The following WDR24 variants were observed in gnomAD, a reference collection of about 807,000 sequenced individuals.
WDR24 encodes the protein GATOR2 complex protein WDR24.
Under a neutral mutation model 66.7 loss-of-function variants are expected in WDR24, and 32 were observed. The ratio of observed to expected loss-of-function variants is 0.48; its 90% CI spans 0.36 to 0.64. The LOEUF is 0.64. Among genes scored for constraint, WDR24 ranks in the 30% least tolerant of loss-of-function variants. The pLI is 0.00. For missense variants in WDR24, 978 were observed against 1,144.1 expected, an observed-to-expected ratio of 0.85 and a Z score of 2.09; for synonymous variants, 565 against 469.1, an observed-to-expected ratio of 1.20 and a Z score of -2.64.
At chr16:686,693 C>A in intron 3 of WDR24, 51 bp downstream of exon 3, 4 of 1,536,500 alleles carry the variant, frequency 2.6e-6, no homozygotes, top group Non-Finnish European at 3.5e-6. Flanking sequence ...AGGAACCAGC[C>A]CCTGCCCTGA....
chr16:686,265 A>G, intron 3 of WDR24, 79 bp from the exon 4 acceptor site: 1 of 1,496,374 alleles, frequency 6.7e-7, no homozygotes, highest in Admixed American at 1.8e-5. Flanking sequence ...CTGGACAGTC[A>G]CAAGCCCTCA....
rs763885750 is a variant in WDR24, at chr16:686,888, G to A, written c.1188C>T (p.Ala396=). ...AEPFAGLASS[A]LSVFETEPGG... Reference sequence around the variant, plus strand: ...CTGGCTCCGTCTCAAAGACACTGAGGGCACTGGAGGCGAGGCCTGCGAAGG... The same window carrying A: ...CTGGCTCCGTCTCAAAGACACTGAGAGCACTGGAGGCGAGGCCTGCGAAGG... Residue 396 remains alanine (A), a synonymous_variant, in exon 3 of 9, where the codon GCC becomes GCT. Coordinates refer to ENST00000293883, the MANE Select transcript of WDR24 (RefSeq NM_032259.4). The A allele has an allele frequency of 4.3e-6, 7 of 1,609,252 alleles. No individual in the cohort carries two copies. The highest frequency in any genetic ancestry group is 4.0e-5 in the African/African-American group (3 of 74,942).
At position 685,268 on chromosome 16, in the gene WDR24, C is replaced by A. The variant is rs777300758; in HGVS notation, c.2008G>T (p.Glu670Ter). Residue 670 changes from glutamate to a stop codon, truncating the protein, a stop_gained, in exon 7 of 9, where the codon GAG (glutamate) becomes TAG (stop). Coordinates refer to ENST00000293883, the MANE Select transcript of WDR24 (RefSeq NM_032259.4). LOFTEE classifies it high-confidence loss of function. ...LGERVRKDID[E>*]QTQEHWYTSY... The stretch of plus-strand genomic sequence containing the variant: ...CGCCCACCACACACCTGGGTCTGCT[C>A]GTCGATGTCCTTGCGCACCCGTTCA... 4.4e-6 allele frequency: 7 copies of A among 1,593,130 alleles called. No homozygotes were observed. The highest frequency in any genetic ancestry group is 6.0e-6 in the Non-Finnish European group (7 of 1,169,714).
In WDR24 at chr16:687,095, C is replaced by T; in HGVS notation, c.981G>A (p.Leu327=). The change falls in exon 3 of 9, where the codon CTG becomes CTA. Residue 327 remains leucine, a synonymous_variant. Transcript: ENST00000293883. ...CGACGGGCTGGCTGGCGTCGCGGAA[C>T]AGGTGCTGGCACAGCGAGCTGTCCT... is the stretch of plus-strand genomic sequence containing the variant. The part of the protein sequence containing the change: ...GSKDSSLCQH[L]FRDASQPVER... 1 of 1,609,668 alleles carries T rather than the reference C, an allele frequency of 6.2e-7. No homozygotes were observed. Among genetic ancestry groups the T allele is most frequent in the East Asian group, 2.2e-5 (1 of 44,840 alleles).
rs58433639 is a variant in WDR24 at position 689,874 on chromosome 16, C to A, written c.-234G>T. The stretch of plus-strand genomic sequence containing the variant: ...AGTCCAGCCCATCACCCTGGCTGAG[C>A]GGTGAGGGGACTTCCTAGCTTCCCT... On this transcript the variant is annotated 5_prime_UTR_variant, in exon 1 of 9. Coordinates refer to ENST00000293883, the MANE Select transcript of WDR24 (RefSeq NM_032259.4). 776 of 737,314 alleles carry A rather than the reference C, an allele frequency of 1.1e-3. 7 individuals carry two copies. In the East Asian group the frequency reaches 0.02, roughly 19 times the overall value. 45.7% of individuals were successfully genotyped at this position (737,314 alleles called of 1,614,324 possible). A position where few individuals can be genotyped will look rare whatever the true frequency, so the allele number is the denominator to read the frequency against.
In WDR24 at chr16:685,065, C is replaced by A; in HGVS notation, c.2131G>T (p.Ala711Ser). The change falls in exon 8 of 9, where the codon GCC becomes TCC. Residue 711 changes from alanine (A) to serine (S), a missense_variant. Transcript: ENST00000293883. ...CAGTTGACGTGCAGGGTGGTGGAGG[C>A]CTGGTTGAGGCAGCTGACGGCGCGG... ...TSRAVSCLNQ[A>S]STTLHVNCSH... The A allele has an allele frequency of 2.6e-6, 4 of 1,558,612 alleles. No individual in the cohort carries two copies. The highest frequency in any genetic ancestry group is 3.5e-6 in the Non-Finnish European group (4 of 1,152,270).
Position 689,896 on chromosome 16 carries a change from C to T in WDR24, c.-256G>A, listed in dbSNP as rs532993801. Reference sequence around the variant, plus strand: ...GAGCGGTGAGGGGACTTCCTAGCTTCCCTTAGGCCTGTCAGTTTCATGTCT... The same window carrying T: ...GAGCGGTGAGGGGACTTCCTAGCTTTCCTTAGGCCTGTCAGTTTCATGTCT... On this transcript the variant is annotated 5_prime_UTR_variant, in exon 1 of 9. Coordinates refer to ENST00000293883, the MANE Select transcript of WDR24 (RefSeq NM_032259.4). The T allele has an allele frequency of 3.5e-5, 24 of 692,362 alleles. No homozygotes were observed. The highest frequency in any genetic ancestry group is 3.4e-4 in the South Asian group (23 of 66,834). The allele number at this position is 692,362 out of a possible 1,614,324, so 42.9% of individuals were successfully genotyped here.
rs374228480 is a variant in WDR24, at chr16:687,756, G to C, written c.482-17C>G. On this transcript the variant is annotated splice_polypyrimidine_tract_variant and intron_variant, in intron 1 of 8. Transcript: ENST00000293883. ...CCGACTGGCCTGCAGGCAGGAGGTC[G>C]ATGCAGGGGAAGTGACGGGGCTGGC... 3.1e-6 allele frequency: 5 copies of C among 1,610,044 alleles called. No individual in the cohort carries two copies. Among genetic ancestry groups the C allele is most frequent in the Non-Finnish European group, 4.2e-6 (5 of 1,178,674 alleles).
intron 2 of WDR24, 67 bp from the exon 3 acceptor site, chr16:687,483 G>A: frequency 6.3e-7 from 1 of 1,579,854 alleles, no homozygotes; most frequent in Non-Finnish European, 8.6e-7. Context: ...CCCCCGCTCT[G>A]CTGCTCCGGA....
Position 686,805 on chromosome 16 carries a change from C to T in WDR24, c.1271G>A (p.Arg424Gln), listed in dbSNP as rs749743422. 4.3e-6 allele frequency: 7 copies of T among 1,611,318 alleles called. No individual in the cohort carries two copies. Among genetic ancestry groups the T allele is most frequent in the African/African-American group, 2.7e-5 (2 of 75,026 alleles). ...DTAERYALAG[R>Q]PLAELCDHNA... ...GTGGTCACAGAGCTCGGCCAGTGGCCGGCCAGCCAGCGCATAACGCTCAGC... is the reference window on the plus strand; with the variant it reads ...GTGGTCACAGAGCTCGGCCAGTGGCTGGCCAGCCAGCGCATAACGCTCAGC... Residue 424 changes from arginine (R) to glutamine (Q), a missense_variant, in exon 3 of 9, where the codon CGG becomes CAG. Around this residue, in one of 2 missense-constraint regions of WDR24, gnomAD observed 676 missense variants for 617.5 expected, o/e 1.09. Coordinates refer to ENST00000293883, the MANE Select transcript of WDR24 (RefSeq NM_032259.4).
chr16:686,353 C>T (rs567216401), intron 3 of WDR24, among the ~76,000 whole-genome samples, 167 bp from the exon 4 acceptor site: 1 of 152,318 alleles, frequency 6.6e-6, no homozygotes, highest in South Asian at 2.1e-4. Context: ...AAGACAAAAA[C>T]CCCGGTCCCC....
chr16:685,922 G>A lies in WDR24; in HGVS notation c.1520C>T (p.Ala507Val), dbSNP rs2039897659. 4 of 1,613,126 alleles carry A rather than the reference G, an allele frequency of 2.5e-6. No individual in the cohort carries two copies. The Admixed American group carries it at 5.0e-5, about 20-fold the overall frequency. The change falls in exon 5 of 9, where the codon GCA becomes GTA. Residue 507 changes from alanine (A) to valine (V), a missense_variant. Physicochemically the swap from Ala to Val is moderately conservative, Grantham distance 64. Around this residue, in one of 2 missense-constraint regions of WDR24, gnomAD observed 676 missense variants for 617.5 expected, o/e 1.09. Coordinates refer to ENST00000293883, the MANE Select transcript of WDR24 (RefSeq NM_032259.4). ...GTCGAGCAGAACTGTGTCGCTCCGT[G>A]CATCTCCTTTGCTGCGGTCCAGCCG... ...ETRLDRSKGD[A>V]RSDTVLLDSS...
At position 685,978 on chromosome 16, in the gene WDR24, C is replaced by T. The variant is rs367576255; in HGVS notation, c.1464G>A (p.Lys488=). ...CACTGCCCAACCCTGGGGCCATATC[C>T]TTCAGGTTGAAACTGGGGGCAGGAA... The part of the protein sequence containing the change: ...GLPLMNSFNL[K]DMAPGLGSET... Residue 488 remains lysine, a synonymous_variant, in exon 5 of 9, where the codon AAG becomes AAA. Coordinates refer to ENST00000293883, the MANE Select transcript of WDR24 (RefSeq NM_032259.4). 10 of 1,612,984 alleles carry T rather than the reference C, an allele frequency of 6.2e-6. No homozygotes were observed. The Middle Eastern group carries it at 8.2e-4, about 133-fold the overall frequency.
chr16:685,152 C>G lies in WDR24; in HGVS notation c.2044G>C (p.Asp682His). 6.4e-7 allele frequency: 1 copy of G among 1,573,772 alleles called. No homozygotes were observed. Among genetic ancestry groups the G allele is most frequent in the Non-Finnish European group, 8.6e-7 (1 of 1,160,872 alleles). The change falls in exon 8 of 9, where the codon GAC (aspartate) becomes CAC (histidine). Residue 682 changes from aspartate to histidine, a missense_variant. Around this residue, in one of 2 missense-constraint regions of WDR24, gnomAD observed 676 missense variants for 617.5 expected, o/e 1.09. Transcript: ENST00000293883. Reference sequence around the variant, plus strand: ...CAGAGGCGGAAGCGCTGCAGCAGGTCGATGTAGGAAGTGTACCAGTGCTCC... The same window carrying G: ...CAGAGGCGGAAGCGCTGCAGCAGGTGGATGTAGGAAGTGTACCAGTGCTCC... ...TQEHWYTSYI[D>H]LLQRFRLWNV...
rs755331973 is a variant in WDR24, at chr16:687,206, AGCTG to A, written c.866_869del (p.Pro289LeufsTer172). On this transcript the variant is annotated frameshift_variant, in exon 3 of 9. Coordinates refer to ENST00000293883, the MANE Select transcript of WDR24 (RefSeq NM_032259.4). LOFTEE classifies it high-confidence loss of function. ...CGTCTCGGTGTTCCTCAAACATGGC[AGCTG>A]GCACGAAGGGCCGGCGCACGTCCCA... The A allele has an allele frequency of 1.2e-5, 20 of 1,612,654 alleles. No individual in the cohort carries two copies. Among genetic ancestry groups the A allele is most frequent in the Non-Finnish European group, 1.7e-5 (20 of 1,179,972 alleles).
Position 686,152 on chromosome 16 carries a change from T to C in WDR24, c.1367A>G (p.Tyr456Cys). ...AQTWTMLRII[Y>C]CSPGLVPTAN... is the part of the protein sequence containing the mutation. Reference sequence around the variant, plus strand: ...AGTGGGCACTAGGCCAGGGCTGCAGTAGATGATCCGCAGCATGGTCCACGT... The same window carrying C: ...AGTGGGCACTAGGCCAGGGCTGCAGCAGATGATCCGCAGCATGGTCCACGT... Residue 456 changes from tyrosine to cysteine, a missense_variant, in exon 4 of 9, where the codon TAC (tyrosine) becomes TGC (cysteine). Tyr to Cys is a radical substitution (Grantham distance 194). This residue lies in a region of WDR24 where 676 missense variants were observed against 617.5 expected (regional missense o/e 1.09). Coordinates refer to ENST00000293883, the MANE Select transcript of WDR24 (RefSeq NM_032259.4). 6.2e-7 allele frequency: 1 copy of C among 1,612,926 alleles called. No homozygotes were observed.
At chr16:686,227 C>T in intron 3 of WDR24, 41 bp from the exon 4 acceptor site, 1 of 1,600,834 alleles carries the variant, frequency 6.2e-7, no homozygotes, top group Non-Finnish European at 8.5e-7. Context: ...TCCTGGACAC[C>T]CAGCACCCCA....
chr16:687,490 C>T (rs917075460), intron 2 of WDR24, 72 bp downstream of exon 2: 22 of 1,586,210 alleles, frequency 1.4e-5, no homozygotes, highest in African/African-American at 8.0e-5. Context: ...TCTGCTGCTC[C>T]GGACTGTCTC....
Position 684,649 on chromosome 16 carries a change from C to G in WDR24, c.*85G>C. ...GGCTCTACTTCCTTTATTGAGGTCT[C>G]AAGTTCCAGCCTCCGCCCGTCTCGG... is the stretch of plus-strand genomic sequence containing the variant. On this transcript the variant is annotated 3_prime_UTR_variant, in exon 9 of 9. Transcript: ENST00000293883. 1.4e-6 allele frequency: 2 copies of G among 1,464,538 alleles called. No homozygotes were observed. Among genetic ancestry groups the G allele is most frequent in the South Asian group, 1.4e-5 (1 of 72,904 alleles). 90.7% of individuals were successfully genotyped at this position (1,464,538 alleles called of 1,614,324 possible).
Sources: allele counts gnomAD v4.1 joint callset (sites outside exome capture counted in the v4.1 genomes callset), GRCh38; gene constraint gnomAD v4.1.1; regional missense constraint gnomAD v4.1.1; transcripts MANE v1.5; gene names NCBI Gene and HGNC (gene_info 2026-07-23, HGNC 2026-07-21).